Variants in DIP2C observed in about 807,000 individuals in gnomAD.
The protein encoded by DIP2C is DIP2 acetate--CoA ligase C (putative), also known as disco-interacting protein 2 homolog C.
A neutral mutation model predicts 192.4 loss-of-function variants in DIP2C; 33 were observed. The ratio of observed to expected loss-of-function variants is 0.17; its 90% CI spans 0.13 to 0.23. The LOEUF is 0.23. DIP2C is among the 10% of genes least tolerant of loss of function. The pLI is 1.00. For synonymous variants in DIP2C, 979 were observed against 864.1 expected (o/e 1.13, Z -2.33); for missense variants, 1,537 against 2,110.1 (o/e 0.73, Z 5.32).
At chr10:594,382 A>G (rs1352100193) in intron 1 of DIP2C, among the ~76,000 whole-genome samples, 1 of 152,160 alleles carries the variant, frequency 6.6e-6, no homozygotes, top group Non-Finnish European at 1.5e-5. Flanking sequence ...ATAAGGGAAC[A>G]TGGCCAAGTA....
At chr10:412,590 C>A (rs1044904173) in intron 8 of DIP2C, among the ~76,000 whole-genome samples, 6 of 152,194 alleles carry the variant, frequency 3.9e-5, no homozygotes. Flanking sequence ...CTACGAAACG[C>A]ACGCTCCCAA....
intron 1 of DIP2C, among the ~76,000 whole-genome samples, chr10:528,672 G>T (rs1000638185): frequency 6.6e-6 from 1 of 152,120 alleles, no homozygotes; most frequent in Non-Finnish European, 1.5e-5. Context: ...GCACCTGTAG[G>T]GTCCTCTCCT....
intron 2 of DIP2C, among the ~76,000 whole-genome samples, chr10:480,817 C>T (rs1289218368): frequency 6.6e-5 from 10 of 152,200 alleles, no homozygotes; most frequent in African/African-American, 2.4e-4. Context: ...TGTGAAGTGC[C>T]GACGGGAGCA....
At chr10:344,006 C>T (rs1958288752) in intron 28 of DIP2C, among the ~76,000 whole-genome samples, 1 of 152,072 alleles carries the variant, frequency 6.6e-6, no homozygotes, top group Non-Finnish European at 1.5e-5. Context: ...GGGACTTCAG[C>T]AGAGAAACAG....
At chr10:543,151 T>TCA (rs1815960760) in intron 1 of DIP2C, among the ~76,000 whole-genome samples, 2 of 152,336 alleles carry the variant, frequency 1.3e-5, no homozygotes, top group South Asian at 2.1e-4. Flanking sequence ...TCCATGGACA[T>TCA]CACCAGTCTT....
At chr10:306,045 A>G (rs564763910) in intron 32 of DIP2C, among the ~76,000 whole-genome samples, 1 of 151,952 alleles carries the variant, frequency 6.6e-6, no homozygotes, top group Admixed American at 6.5e-5. Flanking sequence ...TCATGGAAAG[A>G]CCAAATTGGA....
chr10:525,744 C>T (rs1463998172), intron 1 of DIP2C, among the ~76,000 whole-genome samples: 1 of 152,180 alleles, frequency 6.6e-6, no homozygotes, highest in Admixed American at 6.5e-5. Flanking sequence ...ACACCCACAC[C>T]AGCTGTGCAG....
chr10:618,870 G>A (rs1425765872), intron 1 of DIP2C, among the ~76,000 whole-genome samples: 1 of 152,220 alleles, frequency 6.6e-6, no homozygotes, highest in Admixed American at 6.5e-5. Context: ...CCCTCGCCAA[G>A]GTATGCCTGG....
At chr10:316,816 T>G (rs1956795006) in intron 31 of DIP2C, among the ~76,000 whole-genome samples, 1 of 152,234 alleles carries the variant, frequency 6.6e-6, no homozygotes, top group Admixed American at 6.5e-5. Flanking sequence ...CCATTTATGT[T>G]TTTTAAAAAG....
At chr10:688,769 G>A (rs926908643) in intron 1 of DIP2C, among the ~76,000 whole-genome samples, 18 of 152,206 alleles carry the variant, frequency 1.2e-4, no homozygotes, top group African/African-American at 4.3e-4. Context: ...CCATAAGACC[G>A]CGGTGGCTGA....
chr10:345,517 A>ACC (rs1448128336), intron 26 of DIP2C, among the ~76,000 whole-genome samples: 8 of 58,352 alleles, frequency 1.4e-4, no homozygotes, highest in South Asian at 5.8e-4. Context: ...CCCCACAAAC[A>ACC]CCCATCCCAG....
At chr10:288,539 T>G (rs1176716506) in intron 32 of DIP2C, 118 bp from the exon 33 acceptor site, 1 of 1,063,294 alleles carries the variant, frequency 9.4e-7, no homozygotes, top group African/African-American at 1.6e-5. Context: ...CTGAGCATCA[T>G]CCAACAGCAA....
chr10:384,826 G>A (rs1962737262), intron 14 of DIP2C, among the ~76,000 whole-genome samples, 187 bp from the exon 15 acceptor site: 2 of 151,624 alleles, frequency 1.3e-5, no homozygotes, highest in Admixed American at 1.3e-4. Flanking sequence ...AAATACAGAG[G>A]GGCATAGTGG....
intron 31 of DIP2C, among the ~76,000 whole-genome samples, chr10:319,015 C>T (rs1384787154): frequency 6.6e-6 from 1 of 151,930 alleles, no homozygotes; most frequent in Non-Finnish European, 1.5e-5. Flanking sequence ...CAAGTTCAGG[C>T]AATTCCCCTG....
chr10:510,614 C>G (rs1845945320), intron 1 of DIP2C, among the ~76,000 whole-genome samples: 2 of 152,244 alleles, frequency 1.3e-5, no homozygotes, highest in African/African-American at 4.8e-5. Flanking sequence ...ACAGCGAAGA[C>G]AGCAGAGCAA....
intron 6 of DIP2C, among the ~76,000 whole-genome samples, chr10:418,653 G>C (rs959451316): frequency 8.5e-5 from 13 of 152,324 alleles, no homozygotes; most frequent in African/African-American, 2.6e-4. Flanking sequence ...AAAGTCTAAA[G>C]CAACATATCA....
intron 1 of DIP2C, among the ~76,000 whole-genome samples, chr10:580,353 G>A (rs1277229262): frequency 2.0e-5 from 3 of 152,182 alleles, no homozygotes; most frequent in East Asian, 1.9e-4. Flanking sequence ...GTACATGCAT[G>A]CTTACAGTGT....
At chr10:500,516 C>CTTTA (rs1345602045) in intron 1 of DIP2C, among the ~76,000 whole-genome samples, 1 of 152,256 alleles carries the variant, frequency 6.6e-6, no homozygotes, top group African/African-American at 2.4e-5. Context: ...TTATCCTGAA[C>CTTTA]TTTATTTCCT....
intron 32 of DIP2C, among the ~76,000 whole-genome samples, chr10:294,281 G>C (rs998475792): frequency 6.6e-6 from 1 of 152,128 alleles, no homozygotes; most frequent in Non-Finnish European, 1.5e-5. Flanking sequence ...CCCGAGCACA[G>C]ACCCCTGCTA....
Sources: gnomAD v4.1 joint callset for allele counts (sites outside exome capture counted in the v4.1 genomes callset) on GRCh38, gnomAD v4.1.1 for gene constraint, MANE v1.5 for transcripts, NCBI Gene and HGNC (gene_info 2026-07-23, HGNC 2026-07-21) for gene names.